The following MANBA variants were observed in gnomAD, a reference collection of about 807,000 sequenced individuals.
MANBA encodes the protein beta-mannosidase.
Under a neutral mutation model 111.1 loss-of-function variants are expected in MANBA, and 83 were observed. The observed-to-expected ratio is 0.75, with a 90% CI of 0.63 to 0.90. The LOEUF (loss-of-function observed/expected upper bound fraction) is 0.90, where lower values mean the gene tolerates loss of function less well. MANBA is among the 40% of genes least tolerant of loss of function. MANBA has a pLI of 0.00. For missense variants in MANBA, 1,036 were observed against 1,069.0 expected (o/e 0.97, Z 0.43); for synonymous variants, 370 against 378.7 (o/e 0.98, Z 0.27).
intron 10 of MANBA, chr4:102,667,513 T>C (rs559009860): frequency 6.6e-6 from 1 of 152,278 alleles, no homozygotes; most frequent in East Asian, 1.9e-4. Flanking sequence ...AGATGTACTT[T>C]GAAGACACGC....
chr4:102,714,789 C>A (rs1279236373), intron 4 of MANBA, among the ~76,000 whole-genome samples: 1 of 152,234 alleles, frequency 6.6e-6, no homozygotes, highest in Non-Finnish European at 1.5e-5. Flanking sequence ...CCGATCTCCT[C>A]TGTTTGCACT....
rs111505705 is a variant in MANBA at position 102,690,339 on chromosome 4, A to G, written c.849+257T>C. On this transcript the variant is annotated intron_variant, in intron 6 of 16. Transcript: ENST00000647097. ...AAATACTACAGAAAATTAAAATACA[A>G]TGATAAAAATAAAATGAGAGAAAGA... is the stretch of plus-strand genomic sequence containing the variant. Among the ~76,000 whole-genome samples, 39 of 152,326 alleles carry G rather than the reference A, an allele frequency of 2.6e-4. 2 individuals are homozygous for G. Among genetic ancestry groups the G allele is most frequent in the Middle Eastern group, 3.4e-3 (1 of 294 alleles).
intron 1 of MANBA, chr4:102,751,765 C>T (rs1301355318): frequency 7.5e-6 from 4 of 530,456 alleles, no homozygotes; most frequent in South Asian, 1.4e-5. Context: ...GATAAGACCT[C>T]TCAAATCCGG....
intron 7 of MANBA, among the ~76,000 whole-genome samples, chr4:102,682,071 T>C (rs767016264): frequency 6.8e-6 from 1 of 148,044 alleles, no homozygotes; most frequent in Non-Finnish European, 1.5e-5. Context: ...CGCTTGAACC[T>C]GGGAGGCAGA....
At chr4:102,739,597 A>T (rs962189262) in intron 1 of MANBA, among the ~76,000 whole-genome samples, 1 of 152,228 alleles carries the variant, frequency 6.6e-6, no homozygotes, top group African/African-American at 2.4e-5. Flanking sequence ...AAAAGATAAT[A>T]CACCATGATC....
intron 4 of MANBA, among the ~76,000 whole-genome samples, chr4:102,720,908 A>C (rs1172383439): frequency 6.6e-6 from 1 of 152,234 alleles, no homozygotes; most frequent in African/African-American, 2.4e-5. Flanking sequence ...TTTAATAGTA[A>C]ATCAATCCAG....
rs1188299431 is a variant in MANBA at position 102,722,053 on chromosome 4, GAAAGA to G, written c.549+813_549+817del. On this transcript the variant is annotated intron_variant, in intron 4 of 16. Coordinates refer to ENST00000647097, the MANE Select transcript of MANBA (RefSeq NM_005908.4). ...TCAAAAAAAAAAAAAAAAAAAAAGA[GAAAGA>G]AAAGAAAAGAGTAGAATGCTGGTTG... Among the ~76,000 whole-genome samples, 90 of 144,690 alleles carry G rather than the reference GAAAGA, an allele frequency of 6.2e-4. 1 individual carries two copies. Among genetic ancestry groups the G allele is most frequent in the African/African-American group, 2.2e-3 (87 of 39,028 alleles). The allele number at this position is 144,690 out of a possible 152,430, so 94.9% of individuals were successfully genotyped here.
chr4:102,642,490 C>A (rs1028061445), intron 13 of MANBA, among the ~76,000 whole-genome samples: 1 of 151,970 alleles, frequency 6.6e-6, no homozygotes, highest in African/African-American at 2.4e-5. Context: ...GCCTGTAGTC[C>A]CAGCTACTCG....
At chr4:102,749,433 T>G (rs1171720683) in intron 1 of MANBA, among the ~76,000 whole-genome samples, 2 of 152,204 alleles carry the variant, frequency 1.3e-5, no homozygotes, top group Non-Finnish European at 2.9e-5. Flanking sequence ...TGAGAAAATG[T>G]TTACATTTTT....
chr4:102,744,968 T>C (rs1560811187), intron 1 of MANBA, among the ~76,000 whole-genome samples: 1 of 152,198 alleles, frequency 6.6e-6, no homozygotes, highest in Admixed American at 6.5e-5. Flanking sequence ...TACGTATGTC[T>C]ATGGCAATTA....
Position 102,690,732 on chromosome 4 carries a change from G to T in MANBA, c.713C>A (p.Thr238Lys). 1 of 1,593,274 alleles carries T rather than the reference G, an allele frequency of 6.3e-7. No individual in the cohort carries two copies. The highest frequency in any genetic ancestry group is 1.7e-4 in the Middle Eastern group (1 of 5,964). The change falls in exon 6 of 17, where the codon ACA becomes AAA. Residue 238 changes from threonine to lysine, a missense_variant. Thr to Lys is a moderately conservative substitution (Grantham distance 78). Transcript: ENST00000647097. The stretch of plus-strand genomic sequence containing the variant: ...TGGCTTTGAGCTGACAACATCAAAT[G>T]TAGACTCTATTTCCAGATTCCACTC... ...AQEWNLEIES[T>K]FDVVSSKPVG...
chr4:102,731,165 A>T (rs116345832), intron 1 of MANBA, among the ~76,000 whole-genome samples: 130 of 152,108 alleles, frequency 8.5e-4, no homozygotes, highest in African/African-American at 3.0e-3. Context: ...TGCAGAAGTA[A>T]ATTGCCTTGC....
intron 11 of MANBA, among the ~76,000 whole-genome samples, chr4:102,659,787 G>C (rs1730842606): frequency 6.6e-6 from 1 of 152,118 alleles, no homozygotes; most frequent in East Asian, 1.9e-4. Context: ...TCCCTCTCAG[G>C]TGTGCAATAA....
At chr4:102,744,521 G>A (rs956484938) in intron 1 of MANBA, among the ~76,000 whole-genome samples, 1 of 152,172 alleles carries the variant, frequency 6.6e-6, no homozygotes, top group Non-Finnish European at 1.5e-5. Flanking sequence ...GCTAGCTGAA[G>A]GCAAATTGCT....
intron 7 of MANBA, among the ~76,000 whole-genome samples, chr4:102,686,811 G>T (rs750661581): frequency 6.6e-6 from 1 of 152,062 alleles, no homozygotes; most frequent in Admixed American, 6.6e-5. Context: ...ACTGCCTGGG[G>T]TTCTGTCCTA....
chr4:102,744,987 G>C (rs1723538507), intron 1 of MANBA, among the ~76,000 whole-genome samples: 3 of 152,146 alleles, frequency 2.0e-5, no homozygotes, highest in Admixed American at 2.0e-4. Context: ...TATGCATTCT[G>C]GCACTGGGAA....
At chr4:102,728,348 C>G in intron 1 of MANBA, 1 of 532,396 alleles carries the variant, frequency 1.9e-6, no homozygotes, top group Non-Finnish European at 3.8e-6. Context: ...TCTGTTCACT[C>G]TCTGCAGGCT....
At chr4:102,728,077 G>T in intron 1 of MANBA, 1 of 530,724 alleles carries the variant, frequency 1.9e-6, no homozygotes, top group Non-Finnish European at 3.8e-6. Flanking sequence ...GCACGCCCAT[G>T]GAGAAGGGTT....
intron 1 of MANBA, among the ~76,000 whole-genome samples, chr4:102,756,141 T>C (rs1031361651): frequency 2.6e-5 from 4 of 152,236 alleles, no homozygotes; most frequent in Non-Finnish European, 4.4e-5. Context: ...CCCAAAGTAT[T>C]ATAAATCATG....
Sources: allele counts gnomAD v4.1 joint callset (sites outside exome capture counted in the v4.1 genomes callset), GRCh38; gene constraint gnomAD v4.1.1; transcripts MANE v1.5; gene names NCBI Gene and HGNC (gene_info 2026-07-23, HGNC 2026-07-21).